The following MAMDC2 variants were observed in gnomAD, a reference collection of about 807,000 sequenced individuals.
The protein encoded by MAMDC2 is MAM domain-containing protein 2.
In MAMDC2, 57 loss-of-function variants were observed where a neutral mutation model predicts 89.8. The observed-to-expected ratio is 0.63, with a 90% CI of 0.51 to 0.79. MAMDC2 has a LOEUF of 0.79. MAMDC2 is among the 30% of genes least tolerant of loss of function. The pLI is 0.00. For synonymous variants in MAMDC2, 313 were observed against 293.4 expected (o/e 1.07, Z -0.68); for missense variants, 800 against 820.6 (o/e 0.97, Z 0.31).
chr9:70,044,556 CG>C (rs1563928973), intron 1 of MAMDC2, 27 bp from the exon 2 acceptor site: 1 of 1,531,514 alleles, frequency 6.5e-7, no homozygotes, highest in South Asian at 1.2e-5. Context: ...GGGTGGAGCT[CG>C]AACTGAAACT....
chr9:70,071,402 C>G (rs1380613183), intron 2 of MAMDC2, among the ~76,000 whole-genome samples: 1 of 152,088 alleles, frequency 6.6e-6, no homozygotes, highest in Non-Finnish European at 1.5e-5. Flanking sequence ...AAGCATGAAT[C>G]ATAAGTCTAG....
chr9:70,202,381 T>A (rs1278078216), intron 11 of MAMDC2, among the ~76,000 whole-genome samples: 1 of 152,182 alleles, frequency 6.6e-6, no homozygotes, highest in Admixed American at 6.5e-5. Context: ...GGATTCTTAA[T>A]CCTGAGTTCT....
chr9:70,082,399 CTT>C (rs1827673690), intron 2 of MAMDC2, among the ~76,000 whole-genome samples: 1 of 152,064 alleles, frequency 6.6e-6, no homozygotes, highest in Non-Finnish European at 1.5e-5. Context: ...TAAAAAAACT[CTT>C]TTAAAAAAGG....
Position 70,126,408 on chromosome 9 carries a change from C to T in MAMDC2, c.893C>T (p.Pro298Leu). ...GAGGTCGAGTTCAGTGCTCCTTACC[C>T]CATGGAGGTAGGTGTACTGGTGCGC... is the stretch of plus-strand genomic sequence containing the variant. ...LAEVEFSAPY[P>L]MEVIFEVAFN... The change falls in exon 6 of 14, where the codon CCC becomes CTC. Residue 298 changes from proline to leucine, a missense_variant. Coordinates refer to ENST00000377182, the MANE Select transcript of MAMDC2 (RefSeq NM_153267.5). The T allele has an allele frequency of 6.2e-7, 1 of 1,612,864 alleles. No homozygotes were observed. Among genetic ancestry groups the T allele is most frequent in the Non-Finnish European group, 8.5e-7 (1 of 1,179,626 alleles).
rs1827693651 is a variant in MAMDC2, at chr9:70,083,204, G to A, written c.149-25007G>A. On this transcript the variant is annotated intron_variant, in intron 2 of 13. Transcript: ENST00000377182. ...ATTGTCTCATTTTCAGATATGAATG[G>A]GTGGTTTGCCCACTGTTGCCCTCCC... is the stretch of plus-strand genomic sequence containing the variant. Among the ~76,000 whole-genome samples the A allele has an allele frequency of 2.0e-5, 3 of 152,148 alleles. No homozygotes were observed. The South Asian group carries it at 6.2e-4, about 32-fold the overall frequency.
Position 70,107,933 on chromosome 9 carries a change from G to A in MAMDC2, c.149-278G>A, listed in dbSNP as rs1185082592. On this transcript the variant is annotated intron_variant, in intron 2 of 13. Coordinates refer to ENST00000377182, the MANE Select transcript of MAMDC2 (RefSeq NM_153267.5). ...ACACTCAGTGTGAGGAGTGAAGAGG[G>A]ACTGATGGCAATTATGGCAAAGTGG... Among the ~76,000 whole-genome samples, 4 of 152,278 alleles carry A rather than the reference G, an allele frequency of 2.6e-5. No homozygotes were observed. The East Asian group carries it at 5.8e-4, about 22-fold the overall frequency.
chr9:70,200,732 C>A (rs2118630942), intron 11 of MAMDC2, among the ~76,000 whole-genome samples: 1 of 147,966 alleles, frequency 6.8e-6, no homozygotes, highest in South Asian at 2.2e-4. Context: ...TTTCCTTGAG[C>A]AGTGGTTTGT....
At chr9:70,109,881 C>G in intron 4 of MAMDC2, 77 bp downstream of exon 4, 1 of 1,218,924 alleles carries the variant, frequency 8.2e-7, no homozygotes, top group Non-Finnish European at 1.2e-6. Flanking sequence ...GGAACTGAAT[C>G]AATCCTAAAG....
At chr9:70,070,200 G>A (rs1827370028) in intron 2 of MAMDC2, among the ~76,000 whole-genome samples, 1 of 152,288 alleles carries the variant, frequency 6.6e-6, no homozygotes, top group East Asian at 1.9e-4. Context: ...CTCCTTGGGA[G>A]GAGAAAAAGC....
At chr9:70,208,046 A>G (rs904563142) in intron 11 of MAMDC2, among the ~76,000 whole-genome samples, 1 of 152,144 alleles carries the variant, frequency 6.6e-6, no homozygotes, top group Non-Finnish European at 1.5e-5. Flanking sequence ...CTTGTAGTAT[A>G]GTTTGCAGTC....
Position 70,108,125 on chromosome 9 carries a change from C to G in MAMDC2, c.149-86C>G, listed in dbSNP as rs145698330. 826 of 1,324,852 alleles carry G rather than the reference C, an allele frequency of 6.2e-4. 6 individuals carry two copies. The African/African-American group carries it at 0.011, about 18-fold the overall frequency. 82.1% of individuals were successfully genotyped at this position (1,324,852 alleles called of 1,614,324 possible). A position where few individuals can be genotyped will look rare whatever the true frequency, so the allele number is the denominator to read the frequency against. The stretch of plus-strand genomic sequence containing the variant: ...AAAATATATCTGCAGGTTTATCTGC[C>G]CAGAGATTTACTTAACTGCAGTTAC... On this transcript the variant is annotated intron_variant, in intron 2 of 13. Coordinates refer to ENST00000377182, the MANE Select transcript of MAMDC2 (RefSeq NM_153267.5).
At chr9:70,133,359 C>G (rs1433097228) in intron 7 of MAMDC2, among the ~76,000 whole-genome samples, 1 of 152,184 alleles carries the variant, frequency 6.6e-6, no homozygotes, top group African/African-American at 2.4e-5. Context: ...TCCTACTACA[C>G]AGGTGGTCTG....
At chr9:70,126,829 T>G (rs992127383) in intron 6 of MAMDC2, among the ~76,000 whole-genome samples, 1 of 151,552 alleles carries the variant, frequency 6.6e-6, no homozygotes, top group Non-Finnish European at 1.5e-5. Context: ...GTGAACTGTT[T>G]TTTTTTTTTT....
chr9:70,168,607 C>G, intron 9 of MAMDC2, 95 bp from the exon 10 acceptor site: 1 of 882,216 alleles, frequency 1.1e-6, no homozygotes, highest in East Asian at 2.5e-5. Context: ...TGTAGTTTGC[C>G]TATGCTCGCC....
chr9:70,155,450 C>T (rs2031725757), intron 9 of MAMDC2, among the ~76,000 whole-genome samples: 2 of 152,222 alleles, frequency 1.3e-5, no homozygotes, highest in Admixed American at 1.3e-4. Flanking sequence ...TCAAAACCAA[C>T]CTGCCCATCT....
Position 70,113,101 on chromosome 9 carries a change from C to T in MAMDC2, c.612C>T (p.Leu204=). 6.2e-7 allele frequency: 1 copy of T among 1,614,038 alleles called. No homozygotes were observed. The highest frequency in any genetic ancestry group is 8.5e-7 in the Non-Finnish European group (1 of 1,179,966). ...GGSIRNVHSI[L]PQDHTFKSEL... is the part of the protein sequence containing the mutation. The stretch of plus-strand genomic sequence containing the variant: ...GTATTCGGAATGTCCACTCCATTCT[C>T]CCACAGGATCACACCTTCAAGAGTG... The change falls in exon 5 of 14, where the codon CTC becomes CTT. Residue 204 remains leucine (L), a synonymous_variant. Transcript: ENST00000377182.
At chr9:70,223,778 T>C (rs552684295) in intron 12 of MAMDC2, among the ~76,000 whole-genome samples, 10 of 152,348 alleles carry the variant, frequency 6.6e-5, no homozygotes, top group African/African-American at 2.2e-4. Flanking sequence ...ATTTGCTCAG[T>C]AGCTATTTGA....
chr9:70,131,477 A>T, intron 6 of MAMDC2, 42 bp from the exon 7 acceptor site: 1 of 1,463,290 alleles, frequency 6.8e-7, no homozygotes, highest in African/African-American at 1.4e-5. Context: ...AGCCAAACCG[A>T]AAATATGTGA....
chr9:70,170,728 T>C, intron 11 of MAMDC2, 97 bp downstream of exon 11: 1 of 1,213,566 alleles, frequency 8.2e-7, no homozygotes, highest in Non-Finnish European at 1.1e-6. Context: ...AAATTATGTC[T>C]TGTGTCTATA....
Sources: gnomAD v4.1 joint callset for allele counts (sites outside exome capture counted in the v4.1 genomes callset) on GRCh38, gnomAD v4.1.1 for gene constraint, MANE v1.5 for transcripts, NCBI Gene and HGNC (gene_info 2026-07-23, HGNC 2026-07-21) for gene names.